ZBTB40: variants seen among roughly 807,000 people sequenced by gnomAD.
ZBTB40 encodes zinc finger and BTB domain-containing protein 40.
A neutral mutation model predicts 117.5 loss-of-function variants in ZBTB40; 60 were observed. The observed-to-expected ratio is 0.51, with a 90% CI of 0.41 to 0.63. The LOEUF (loss-of-function observed/expected upper bound fraction) is 0.63, where lower values mean the gene tolerates loss of function less well. Among genes scored for constraint, ZBTB40 ranks in the 30% least tolerant of loss-of-function variants. The pLI, the probability that ZBTB40 is intolerant of heterozygous loss-of-function variation, is 0.00. For synonymous variants in ZBTB40, 525 were observed against 577.1 expected, an observed-to-expected ratio of 0.91 and a Z score of 1.29; for missense variants, 1,287 against 1,498.5, an observed-to-expected ratio of 0.86 and a Z score of 2.33.
At chr1:22,515,278 A>C (rs1275558299) in intron 12 of ZBTB40, among the ~76,000 whole-genome samples, 1 of 152,244 alleles carries the variant, frequency 6.6e-6, no homozygotes, top group African/African-American at 2.4e-5. Context: ...TTAAGAGATA[A>C]GGCCAGAGAT....
chr1:22,506,042 A>C lies in ZBTB40; in HGVS notation c.1168-7A>C. 6.2e-7 allele frequency: 1 copy of C among 1,614,168 alleles called. No individual in the cohort carries two copies. Among genetic ancestry groups the C allele is most frequent in the Middle Eastern group, 1.6e-4 (1 of 6,062 alleles). On this transcript the variant is annotated splice_region_variant and splice_polypyrimidine_tract_variant and intron_variant, in intron 5 of 17. Transcript: ENST00000375647. ...ACTGGTGTCTGGTTGATTGCTTGCC[A>C]CTGCAGGTGATTCTGAATTGCTGTG...
rs1557514585 is a variant in ZBTB40, at chr1:22,508,056, C to T, written c.1416C>T (p.Asn472=). Residue 472 remains asparagine (N), a synonymous_variant, in exon 7 of 18, where the codon AAC becomes AAT. Coordinates refer to ENST00000375647, the MANE Select transcript of ZBTB40 (RefSeq NM_014870.4). ...AGCTATTGAGACGCTATCATGAAAA[C>T]CTCTCTGAGATTTTCACAGACAACC... ...GTELLRRYHE[N]LSEIFTDNQI... 4.3e-6 allele frequency: 7 copies of T among 1,613,946 alleles called. No individual in the cohort carries two copies. The East Asian group carries it at 1.1e-4, about 26-fold the overall frequency.
In ZBTB40 at chr1:22,506,092, T is replaced by C. The variant is rs370250345; in HGVS notation, c.1211T>C (p.Ile404Thr). Residue 404 changes from isoleucine (I) to threonine (T), a missense_variant, in exon 6 of 18, where the codon ATA (isoleucine) becomes ACA (threonine). This residue lies in a region of ZBTB40 where 870 missense variants were observed against 934.4 expected (regional missense o/e 0.93). Transcript: ENST00000375647. The part of the protein sequence containing the change: ...CCEGRTPKET[I>T]ENLLHRMTEE... ...GAGGGCAGAACACCCAAGGAGACAA[T>C]AGAAAATTTGTTGCACAGAATGACT... is the stretch of plus-strand genomic sequence containing the variant. 2 of 1,614,082 alleles carry C rather than the reference T, an allele frequency of 1.2e-6. No homozygotes were observed. The highest frequency in any genetic ancestry group is 1.7e-6 in the Non-Finnish European group (2 of 1,180,012).
At chr1:22,480,872 A>C (rs1454924418) in intron 1 of ZBTB40, among the ~76,000 whole-genome samples, 3 of 152,148 alleles carry the variant, frequency 2.0e-5, no homozygotes, top group Non-Finnish European at 4.4e-5. Context: ...TGAGCCAGTG[A>C]GCAGATTTTT....
chr1:22,491,553 G>C lies in ZBTB40; in HGVS notation c.831+20G>C, dbSNP rs1003628372. 6.2e-7 allele frequency: 1 copy of C among 1,612,552 alleles called. No individual in the cohort carries two copies. Among genetic ancestry groups the C allele is most frequent in the East Asian group, 2.2e-5 (1 of 44,782 alleles). ...AAGGAGGTAGGCACCTCTGACTTTT[G>C]TACTTGTTTGCTAGTTTAGTGTTCT... is the stretch of plus-strand genomic sequence containing the variant. On this transcript the variant is annotated intron_variant, in intron 3 of 17. Coordinates refer to ENST00000375647, the MANE Select transcript of ZBTB40 (RefSeq NM_014870.4).
At position 22,520,362 on chromosome 1, in the gene ZBTB40, G is replaced by A. The variant is rs12748759; in HGVS notation, c.3048+87G>A. 1,818 of 1,061,010 alleles carry A rather than the reference G, an allele frequency of 1.7e-3. 2 individuals are homozygous for A. The highest frequency in any genetic ancestry group is 2.5e-3 in the Non-Finnish European group (1,737 of 706,852). 65.7% of individuals were successfully genotyped at this position (1,061,010 alleles called of 1,614,324 possible). On this transcript the variant is annotated intron_variant, in intron 14 of 17. Transcript: ENST00000375647. Reference sequence around the variant, plus strand: ...TCCCTGATGCCCGGGTTGGTGGCTTGCAGATCATATCTTGTATCCAGGATG... The same window carrying A: ...TCCCTGATGCCCGGGTTGGTGGCTTACAGATCATATCTTGTATCCAGGATG...
At chr1:22,522,769 ATT>A (rs762726688) in intron 16 of ZBTB40, among the ~76,000 whole-genome samples, 5 of 124,728 alleles carry the variant, frequency 4.0e-5, no homozygotes, top group Admixed American at 1.6e-4. Flanking sequence ...TACCATTTTT[ATT>A]TTTTTTTTTT....
chr1:22,480,516 C>T (rs1003933569), intron 1 of ZBTB40, among the ~76,000 whole-genome samples: 1 of 151,548 alleles, frequency 6.6e-6, no homozygotes. Context: ...TTGTTGTTGT[C>T]GTTTTTTGTA....
At chr1:22,487,038 GT>G (rs1372495409) in intron 1 of ZBTB40, among the ~76,000 whole-genome samples, 1 of 152,062 alleles carries the variant, frequency 6.6e-6, no homozygotes, top group Non-Finnish European at 1.5e-5. Flanking sequence ...CCTGGCTTGT[GT>G]TTTTTGTTCA....
chr1:22,494,868 G>A (rs943193766), intron 3 of ZBTB40, among the ~76,000 whole-genome samples: 6 of 152,142 alleles, frequency 3.9e-5, no homozygotes, highest in Non-Finnish European at 7.4e-5. Context: ...CAGAGGAGTC[G>A]CCAAATTACA....
chr1:22,517,788 A>G, intron 13 of ZBTB40: 1 of 284,154 alleles, frequency 3.5e-6, no homozygotes, highest in Non-Finnish European at 6.4e-6. Context: ...GAGCACTGGA[A>G]TATTTCCATT....
chr1:22,498,776 A>T (rs1638847995), intron 3 of ZBTB40, among the ~76,000 whole-genome samples: 1 of 106,770 alleles, frequency 9.4e-6, no homozygotes. Context: ...ATATTCGGAG[A>T]GTTTCAGGTG....
chr1:22,451,600 G>A (rs1404549207), upstream of ZBTB40, among the ~76,000 whole-genome samples: 2 of 151,516 alleles, frequency 1.3e-5, no homozygotes, highest in African/African-American at 4.9e-5. Flanking sequence ...GGGCGAGATC[G>A]CGCCGCTACA....
chr1:22,464,919 G>A (rs900332563), intron 1 of ZBTB40, among the ~76,000 whole-genome samples: 2 of 152,104 alleles, frequency 1.3e-5, no homozygotes, highest in African/African-American at 4.8e-5. Context: ...CCATTTTAAA[G>A]TGTACAATTC....
intron 1 of ZBTB40, among the ~76,000 whole-genome samples, chr1:22,464,968 G>A (rs971195831): frequency 2.0e-5 from 3 of 152,116 alleles, no homozygotes; most frequent in African/African-American, 2.4e-5. Context: ...TTAGGGTGTC[G>A]ATTTTCTTCC....
In ZBTB40 at chr1:22,482,970, T is replaced by A. The variant is rs1429769383; in HGVS notation, c.-69-6910T>A. On this transcript the variant is annotated intron_variant, in intron 1 of 17. Transcript: ENST00000375647. ...GGCGGGCGCCTGTAGTCCTAGCTAC[T>A]CGGGAGGCTGAGGCAGGAGAATGGT... is the stretch of plus-strand genomic sequence containing the variant. Among the ~76,000 whole-genome samples the A allele has an allele frequency of 2.0e-5, 3 of 151,610 alleles. 1 individual carries two copies. Among genetic ancestry groups the A allele is most frequent in the Non-Finnish European group, 2.9e-5 (2 of 67,964 alleles).
At chr1:22,470,341 C>T (rs1400578770) in intron 1 of ZBTB40, among the ~76,000 whole-genome samples, 1 of 151,956 alleles carries the variant, frequency 6.6e-6, no homozygotes, top group East Asian at 1.9e-4. Flanking sequence ...TTTTAAGTGG[C>T]ATGAAGGAAG....
At chr1:22,519,253 A>C (rs1239591314) in intron 13 of ZBTB40, among the ~76,000 whole-genome samples, 1 of 152,232 alleles carries the variant, frequency 6.6e-6, no homozygotes, top group Non-Finnish European at 1.5e-5. Context: ...AAAAAGACCA[A>C]AGTTTCCTGC....
chr1:22,437,685 G>T (rs370275440), intron 1 of ZBTB40, among the ~76,000 whole-genome samples: 1 of 151,830 alleles, frequency 6.6e-6, no homozygotes, highest in Non-Finnish European at 1.5e-5. Context: ...CTCCCAAAGC[G>T]CTGGGATTAC....
Sources: allele counts gnomAD v4.1 joint callset (sites outside exome capture counted in the v4.1 genomes callset), GRCh38; gene constraint gnomAD v4.1.1; regional missense constraint gnomAD v4.1.1; transcripts MANE v1.5; gene names NCBI Gene and HGNC (gene_info 2026-07-23, HGNC 2026-07-21).